Variants in URI1 observed in about 807,000 individuals in gnomAD.
URI1 encodes the protein URI1 prefoldin like chaperone, also known as unconventional prefoldin RPB5 interactor 1.
Under a neutral mutation model 60.2 loss-of-function variants are expected in URI1, and 39 were observed. That is an observed-to-expected ratio of 0.65 (90% CI 0.50 to 0.85). The LOEUF (loss-of-function observed/expected upper bound fraction) is 0.85. Ranked by LOEUF, URI1 falls within the 40% of genes least tolerant of loss-of-function variation. The pLI is 0.00. For missense variants in URI1, 691 were observed against 665.9 expected (o/e 1.04, Z -0.42); for synonymous variants, 251 against 236.8 (o/e 1.06, Z -0.55).
chr19:29,935,559 T>G (rs1432330882), intron 1 of URI1, among the ~76,000 whole-genome samples: 2 of 152,212 alleles, frequency 1.3e-5, no homozygotes, highest in African/African-American at 2.4e-5. Flanking sequence ...CATTTCAGCC[T>G]GATGGATTCA....
chr19:29,964,875 T>C (rs1301733076), intron 1 of URI1, among the ~76,000 whole-genome samples: 1 of 151,372 alleles, frequency 6.6e-6, no homozygotes, highest in Non-Finnish European at 1.5e-5. Flanking sequence ...TTTTTTCTTC[T>C]ACTTGTATTT....
chr19:29,987,714 A>C (rs983160067), intron 4 of URI1, among the ~76,000 whole-genome samples: 1 of 152,238 alleles, frequency 6.6e-6, no homozygotes, highest in African/African-American at 2.4e-5. Context: ...ATTAATGGGA[A>C]TACTTATACT....
chr19:30,011,031 G>A (rs2056010787), intron 8 of URI1, 63 bp from the exon 9 acceptor site: 1 of 1,540,710 alleles, frequency 6.5e-7, no homozygotes, highest in East Asian at 2.3e-5. Flanking sequence ...GAGTTTATTT[G>A]TTTTGGTTTC....
At chr19:29,973,904 T>C (rs900566729) in intron 2 of URI1, among the ~76,000 whole-genome samples, 2 of 152,228 alleles carry the variant, frequency 1.3e-5, no homozygotes, top group Admixed American at 1.3e-4. Flanking sequence ...TTTTTTTCTT[T>C]ATAATCCTTT....
At chr19:29,974,965 TG>T (rs1402233912) in intron 2 of URI1, among the ~76,000 whole-genome samples, 1 of 152,242 alleles carries the variant, frequency 6.6e-6, no homozygotes, top group African/African-American at 2.4e-5. Flanking sequence ...ATCACATTTT[TG>T]TTATCCAGTT....
chr19:29,984,625 A>G (rs923919184), intron 2 of URI1, among the ~76,000 whole-genome samples: 1 of 152,198 alleles, frequency 6.6e-6, no homozygotes, highest in African/African-American at 2.4e-5. Context: ...ATTCTTCAAT[A>G]AATGTATGGT....
At chr19:30,008,479 G>C (rs930133871) in intron 7 of URI1, among the ~76,000 whole-genome samples, 1 of 151,802 alleles carries the variant, frequency 6.6e-6, no homozygotes, top group Non-Finnish European at 1.5e-5. Flanking sequence ...TTTCAATTTT[G>C]TTATTTTTGT....
intron 10 of URI1, 179 bp downstream of exon 10, chr19:30,012,710 T>G: frequency 1.3e-6 from 1 of 753,206 alleles, no homozygotes; most frequent in Non-Finnish European, 1.9e-6. Context: ...AATAGTTTAT[T>G]TTTTGATAAA....
intron 1 of URI1, among the ~76,000 whole-genome samples, chr19:29,945,796 A>T (rs2055095675): frequency 6.6e-6 from 1 of 152,192 alleles, no homozygotes; most frequent in African/African-American, 2.4e-5. Flanking sequence ...TACATAGGAA[A>T]ACACCATTGT....
chr19:29,944,774 T>G (rs117739401), intron 1 of URI1, among the ~76,000 whole-genome samples: 4,921 of 152,342 alleles, frequency 0.032, 103 homozygotes, highest in Non-Finnish European at 0.048. Context: ...GTATTTAATC[T>G]ATCTTTATTT....
At chr19:29,997,994 G>A (rs1047702156) in intron 4 of URI1, among the ~76,000 whole-genome samples, 1 of 152,008 alleles carries the variant, frequency 6.6e-6, no homozygotes, top group African/African-American at 2.4e-5. Context: ...TGAATTCCTG[G>A]CCTCAAGCAA....
chr19:29,975,457 T>TA (rs1233773738), intron 2 of URI1, among the ~76,000 whole-genome samples: 1 of 151,766 alleles, frequency 6.6e-6, no homozygotes, highest in African/African-American at 2.4e-5. Flanking sequence ...AAATGATGTA[T>TA]AGGTTCCTCC....
intron 4 of URI1, among the ~76,000 whole-genome samples, chr19:29,992,790 A>G (rs1301804316): frequency 1.3e-5 from 2 of 152,208 alleles, no homozygotes; most frequent in African/African-American, 4.8e-5. Context: ...TTTCTACAGT[A>G]TAGACAAGTT....
intron 1 of URI1, among the ~76,000 whole-genome samples, chr19:29,965,161 T>G (rs1045229409): frequency 6.6e-6 from 1 of 152,172 alleles, no homozygotes; most frequent in Non-Finnish European, 1.5e-5. Context: ...GTGGTCTTTC[T>G]TTTAGGACCA....
chr19:29,926,482 A>G (rs2054869392), intron 1 of URI1, among the ~76,000 whole-genome samples: 1 of 152,032 alleles, frequency 6.6e-6, no homozygotes, highest in Non-Finnish European at 1.5e-5. Flanking sequence ...AGGTCTCACT[A>G]TGTTGCCCAG....
Position 30,015,381 on chromosome 19 carries a change from C to T in URI1, c.*312C>T. ...GTTCATATGCATTGTTTTTGTGTTTCAAACTAAATACAGGCAGTTTTGTGC... is the reference window on the plus strand; with the variant it reads ...GTTCATATGCATTGTTTTTGTGTTTTAAACTAAATACAGGCAGTTTTGTGC... On this transcript the variant is annotated 3_prime_UTR_variant, in exon 11 of 11. Coordinates refer to ENST00000392271, the MANE Select transcript of URI1 (RefSeq NM_003796.3). 1 of 1,430,796 alleles carries T rather than the reference C, an allele frequency of 7.0e-7. No homozygotes were observed. The highest frequency in any genetic ancestry group is 9.1e-7 in the Non-Finnish European group (1 of 1,100,318). 88.6% of individuals were successfully genotyped at this position (1,430,796 alleles called of 1,614,324 possible).
At chr19:29,988,862 T>C (rs162946) in intron 4 of URI1, among the ~76,000 whole-genome samples, 3,897 of 152,308 alleles carry the variant, frequency 0.026, 180 homozygotes, top group African/African-American at 0.089. Flanking sequence ...ACTACCAAGC[T>C]GTTTTCCAAA....
chr19:29,991,837 T>A (rs896713651), intron 4 of URI1, among the ~76,000 whole-genome samples: 2 of 152,314 alleles, frequency 1.3e-5, no homozygotes, highest in Admixed American at 1.3e-4. Flanking sequence ...TTTTGTCCAG[T>A]GTATTTTCTG....
At chr19:30,002,207 T>A (rs1305157389) in intron 4 of URI1, among the ~76,000 whole-genome samples, 1 of 152,042 alleles carries the variant, frequency 6.6e-6, no homozygotes, top group Non-Finnish European at 1.5e-5. Flanking sequence ...TGCAAATAAT[T>A]TTTATTACAT....
Sources: gnomAD v4.1 joint callset for allele counts (sites outside exome capture counted in the v4.1 genomes callset) on GRCh38, gnomAD v4.1.1 for gene constraint, MANE v1.5 for transcripts, NCBI Gene and HGNC (gene_info 2026-07-23, HGNC 2026-07-21) for gene names.